GNA12: variants seen among roughly 807,000 people sequenced by gnomAD.
GNA12 encodes the protein G protein subunit alpha 12.
In GNA12, 9 loss-of-function variants were observed where a neutral mutation model predicts 26.0. The observed-to-expected ratio is 0.35, with a 90% CI of 0.21 to 0.60. The LOEUF is 0.60. Ranked by LOEUF, GNA12 falls within the 20% of genes least tolerant of loss-of-function variation. The pLI, the probability that GNA12 is intolerant of heterozygous loss-of-function variation, is 0.78. For synonymous variants in GNA12, 264 were observed against 219.6 expected, an observed-to-expected ratio of 1.20 and a Z score of -1.79; for missense variants, 405 against 525.8, an observed-to-expected ratio of 0.77 and a Z score of 2.25.
intron 2 of GNA12, among the ~76,000 whole-genome samples, chr7:2,772,454 G>T (rs1791972715): frequency 6.6e-6 from 1 of 152,084 alleles, no homozygotes; most frequent in African/African-American, 2.4e-5. Flanking sequence ...CAGCTACTTG[G>T]GAGGCTGAGG....
chr7:2,772,624 A>G (rs953588775), intron 2 of GNA12, among the ~76,000 whole-genome samples: 4 of 152,194 alleles, frequency 2.6e-5, no homozygotes, highest in Admixed American at 2.6e-4. Flanking sequence ...TAGAAATGCA[A>G]AGTAAAACAT....
chr7:2,770,390 G>C (rs570830465), intron 2 of GNA12, among the ~76,000 whole-genome samples: 8 of 152,256 alleles, frequency 5.3e-5, no homozygotes, highest in African/African-American at 1.9e-4. Flanking sequence ...CAAGCTCAAA[G>C]AGTTCAATTC....
intron 2 of GNA12, among the ~76,000 whole-genome samples, chr7:2,757,158 C>T (rs1383909282): frequency 5.1e-5 from 5 of 98,458 alleles, no homozygotes; most frequent in East Asian, 3.1e-4. Flanking sequence ...TTTTTTGAGA[C>T]GGAGTCTTGC....
intron 1 of GNA12, among the ~76,000 whole-genome samples, chr7:2,804,785 G>A (rs1433825290): frequency 1.3e-5 from 2 of 152,208 alleles, no homozygotes; most frequent in East Asian, 3.9e-4. Context: ...AGAGCTGGGC[G>A]TGATGGCTTA....
chr7:2,780,081 T>C (rs1429625606), intron 2 of GNA12, among the ~76,000 whole-genome samples: 1 of 131,618 alleles, frequency 7.6e-6, no homozygotes, highest in African/African-American at 2.8e-5. Flanking sequence ...TATATATATA[T>C]ATATATATAT....
At chr7:2,765,934 G>A (rs1298094172) in intron 2 of GNA12, among the ~76,000 whole-genome samples, 20 of 147,342 alleles carry the variant, frequency 1.4e-4, no homozygotes, top group Middle Eastern at 3.5e-3. Context: ...GAGCCACTGC[G>A]CCCGGCTCCA....
At chr7:2,820,450 T>C (rs984160920) in intron 1 of GNA12, among the ~76,000 whole-genome samples, 8 of 149,346 alleles carry the variant, frequency 5.4e-5, no homozygotes, top group African/African-American at 2.0e-4. Context: ...GGCTCATGCC[T>C]GTAATCCCAG....
chr7:2,807,268 T>A (rs1198278248), intron 1 of GNA12, among the ~76,000 whole-genome samples: 1 of 152,096 alleles, frequency 6.6e-6, no homozygotes, highest in Non-Finnish European at 1.5e-5. Context: ...CTGATTTTTA[T>A]ACTTTATTTT....
intron 1 of GNA12, among the ~76,000 whole-genome samples, chr7:2,805,350 G>A (rs761993717): frequency 3.9e-5 from 6 of 152,202 alleles, no homozygotes; most frequent in Non-Finnish European, 5.9e-5. Context: ...ATGAGAAAGC[G>A]GAAGCTCAAA....
intron 1 of GNA12, among the ~76,000 whole-genome samples, chr7:2,816,240 C>CTTTTTTTT (rs71026563): frequency 0.24 from 34,976 of 147,326 alleles, 4,602 homozygotes; most frequent in Non-Finnish European, 0.29. Flanking sequence ...TCACCAAATC[C>CTTTTTTTT]TTTTTTTTTG....
At position 2,764,708 on chromosome 7, in the gene GNA12, G is replaced by A. The variant is rs138417016; in HGVS notation, c.525+30220C>T. ...GTTTTGCTTTATTTCTCTGTAAACTGTAGGTGAGCTGGGTGAACCCAGTAG... is the reference window on the plus strand; with the variant it reads ...GTTTTGCTTTATTTCTCTGTAAACTATAGGTGAGCTGGGTGAACCCAGTAG... On this transcript the variant is annotated intron_variant, in intron 2 of 3. Coordinates refer to ENST00000275364, the MANE Select transcript of GNA12 (RefSeq NM_007353.3). 7 of 152,354 alleles carry A rather than the reference G, an allele frequency of 4.6e-5. No individual in the cohort carries two copies. In the East Asian group the frequency reaches 1.4e-3, roughly 29 times the overall value. The allele number at this position is 152,354 out of a possible 1,614,324, so 9.4% of individuals were successfully genotyped here.
At chr7:2,815,058 C>G in intron 1 of GNA12, 1 of 1,464,186 alleles carries the variant, frequency 6.8e-7, no homozygotes, top group Non-Finnish European at 9.1e-7. Context: ...AGCGCCGCCA[C>G]TGTGGCAGGC....
At chr7:2,755,676 CA>C (rs1469248478) in intron 2 of GNA12, among the ~76,000 whole-genome samples, 4 of 152,156 alleles carry the variant, frequency 2.6e-5, no homozygotes, top group Non-Finnish European at 5.9e-5. Context: ...TGCCATCTGC[CA>C]ACAGGAACAG....
intron 1 of GNA12, among the ~76,000 whole-genome samples, chr7:2,801,722 C>CTT (rs1792814623): frequency 6.6e-6 from 1 of 152,118 alleles, no homozygotes; most frequent in Non-Finnish European, 1.5e-5. Flanking sequence ...AAAAAGATGT[C>CTT]TCTCTTTTGC....
chr7:2,823,392 C>T (rs1793412809), intron 1 of GNA12, among the ~76,000 whole-genome samples: 1 of 152,292 alleles, frequency 6.6e-6, no homozygotes, highest in South Asian at 2.1e-4. Context: ...CAATTCAGGA[C>T]TTTGACGGCA....
chr7:2,780,377 TTATTG>T (rs1489305251), intron 2 of GNA12, among the ~76,000 whole-genome samples: 1 of 152,150 alleles, frequency 6.6e-6, no homozygotes, highest in African/African-American at 2.4e-5. Context: ...TTTAAAATTA[TTATTG>T]TAAATTATAA....
intron 1 of GNA12, among the ~76,000 whole-genome samples, chr7:2,808,828 T>C (rs1368851395): frequency 6.6e-6 from 1 of 152,196 alleles, no homozygotes; most frequent in Non-Finnish European, 1.5e-5. Flanking sequence ...TCAGCTCTTA[T>C]CACCCGCTTT....
chr7:2,781,107 A>G (rs993022642), intron 2 of GNA12, among the ~76,000 whole-genome samples: 1 of 152,220 alleles, frequency 6.6e-6, no homozygotes, highest in Admixed American at 6.5e-5. Flanking sequence ...GCCGTAACTC[A>G]TACTGAATTG....
intron 2 of GNA12, among the ~76,000 whole-genome samples, chr7:2,750,712 G>T (rs566215402): frequency 2.6e-5 from 4 of 152,296 alleles, no homozygotes; most frequent in African/African-American, 9.6e-5. Flanking sequence ...TATTGGACAG[G>T]CATGTTAACA....
Sources: allele counts gnomAD v4.1 joint callset (sites outside exome capture counted in the v4.1 genomes callset), GRCh38; gene constraint gnomAD v4.1.1; transcripts MANE v1.5; gene names NCBI Gene and HGNC (gene_info 2026-07-23, HGNC 2026-07-21).